Variants in ZFAND3 observed in about 807,000 individuals in gnomAD.
ZFAND3 encodes the protein zinc finger AN1-type containing 3.
Under a neutral mutation model 29.6 loss-of-function variants are expected in ZFAND3, and 10 were observed. The observed-to-expected ratio is 0.34, with a 90% CI of 0.21 to 0.57. The LOEUF is 0.57. Ranked by LOEUF, ZFAND3 falls within the 20% of genes least tolerant of loss-of-function variation. The probability of loss-of-function intolerance (pLI) is 0.86; values close to 1 mark genes in which losing one functional copy is unlikely to be tolerated. For synonymous variants in ZFAND3, 128 were observed against 112.6 expected (o/e 1.14, Z -0.87); for missense variants, 230 against 304.5 (o/e 0.76, Z 1.82).
At chr6:37,825,663 A>G (rs1045289109) in intron 1 of ZFAND3, among the ~76,000 whole-genome samples, 5 of 152,180 alleles carry the variant, frequency 3.3e-5, no homozygotes, top group African/African-American at 7.2e-5. Flanking sequence ...CTCTTCCAAA[A>G]TAGAAGAGAA....
intron 1 of ZFAND3, among the ~76,000 whole-genome samples, chr6:37,865,306 ATTGTT>A (rs754486103): frequency 9.2e-5 from 14 of 152,166 alleles, no homozygotes; most frequent in Admixed American, 5.2e-4. Context: ...TAGTTGTTGT[ATTGTT>A]TTGTTTAGGG....
At chr6:37,925,678 T>A (rs1761470732) in intron 1 of ZFAND3, among the ~76,000 whole-genome samples, 2 of 136,548 alleles carry the variant, frequency 1.5e-5, no homozygotes, top group Non-Finnish European at 3.1e-5. Flanking sequence ...CACTCCAGCC[T>A]GGGCAACAGA....
At chr6:38,050,759 G>A (rs1409255509) in intron 2 of ZFAND3, among the ~76,000 whole-genome samples, 1 of 152,172 alleles carries the variant, frequency 6.6e-6, no homozygotes, top group Non-Finnish European at 1.5e-5. Context: ...CTATAGGCGT[G>A]CACCACTGTG....
At chr6:37,946,048 C>T (rs1561942735) in intron 2 of ZFAND3, among the ~76,000 whole-genome samples, 1 of 152,184 alleles carries the variant, frequency 6.6e-6, no homozygotes, top group Non-Finnish European at 1.5e-5. Flanking sequence ...TGTTTAGTGG[C>T]TCCATTGAAA....
chr6:38,049,573 C>A (rs1025154686), intron 2 of ZFAND3, among the ~76,000 whole-genome samples: 7 of 152,110 alleles, frequency 4.6e-5, no homozygotes, highest in African/African-American at 1.7e-4. Flanking sequence ...GTGGAGAAAG[C>A]TTTTGTATCA....
chr6:37,904,759 A>T (rs1222501077), intron 1 of ZFAND3, among the ~76,000 whole-genome samples: 1 of 152,176 alleles, frequency 6.6e-6, no homozygotes, highest in Non-Finnish European at 1.5e-5. Flanking sequence ...AATAATAAGT[A>T]TTGTGAGAAT....
rs61277916 is a variant in ZFAND3, at chr6:37,988,975, G to A, written c.112+58976G>A. Among the ~76,000 whole-genome samples the A allele has an allele frequency of 0.017, 2,570 of 152,032 alleles. 248 individuals are homozygous for A. In the East Asian group the frequency reaches 0.28, roughly 16 times the overall value. On this transcript the variant is annotated intron_variant, in intron 2 of 5. Coordinates refer to ENST00000287218, the MANE Select transcript of ZFAND3 (RefSeq NM_021943.3). ...GCTGGAGTGCAGTGGTGCGGTCTCA[G>A]CTCACTGCAATTTCCACTCCCGGTT...
At chr6:38,117,996 A>G (rs1765454797) in intron 5 of ZFAND3, among the ~76,000 whole-genome samples, 1 of 152,222 alleles carries the variant, frequency 6.6e-6, no homozygotes, top group Non-Finnish European at 1.5e-5. Context: ...GTGCATATTC[A>G]ACTGCAGAAA....
chr6:38,137,383 T>C (rs1016520205), intron 5 of ZFAND3, among the ~76,000 whole-genome samples: 2 of 152,256 alleles, frequency 1.3e-5, no homozygotes, highest in African/African-American at 4.8e-5. Flanking sequence ...GGGGCACAGT[T>C]ACTAGCATTA....
At chr6:38,131,389 G>A (rs146048736) in intron 5 of ZFAND3, among the ~76,000 whole-genome samples, 14 of 152,318 alleles carry the variant, frequency 9.2e-5, no homozygotes, top group East Asian at 7.7e-4. Context: ...TCAGCCCAGC[G>A]CTTTAGAGTC....
At chr6:38,015,047 CT>C (rs1240786028) in intron 2 of ZFAND3, among the ~76,000 whole-genome samples, 1 of 152,162 alleles carries the variant, frequency 6.6e-6, no homozygotes, top group Non-Finnish European at 1.5e-5. Context: ...TAACCTTATA[CT>C]TTATTTAAGG....
chr6:38,024,575 A>G (rs1477662049), intron 2 of ZFAND3, among the ~76,000 whole-genome samples: 1 of 152,170 alleles, frequency 6.6e-6, no homozygotes, highest in Non-Finnish European at 1.5e-5. Context: ...TGGATGAATG[A>G]TTAAATAAAT....
chr6:38,092,193 C>T (rs564189441), intron 4 of ZFAND3, among the ~76,000 whole-genome samples: 1 of 152,178 alleles, frequency 6.6e-6, no homozygotes, highest in Non-Finnish European at 1.5e-5. Flanking sequence ...AGTTACAGAT[C>T]ACACCCTCAG....
chr6:37,842,516 A>G (rs1049790400), intron 1 of ZFAND3, among the ~76,000 whole-genome samples: 2 of 152,140 alleles, frequency 1.3e-5, no homozygotes, highest in Non-Finnish European at 2.9e-5. Flanking sequence ...CATACTTTAT[A>G]TAGTATTATT....
intron 2 of ZFAND3, among the ~76,000 whole-genome samples, chr6:38,058,613 G>A (rs1471232598): frequency 6.6e-6 from 1 of 152,166 alleles, no homozygotes; most frequent in Non-Finnish European, 1.5e-5. Flanking sequence ...TAGTGGTGCT[G>A]GAAATGGCTG....
chr6:37,950,818 T>C (rs1761985671), intron 2 of ZFAND3, among the ~76,000 whole-genome samples: 1 of 152,252 alleles, frequency 6.6e-6, no homozygotes, highest in Non-Finnish European at 1.5e-5. Context: ...TCCAACTTTG[T>C]TCTTTTTGCT....
At chr6:38,047,964 G>GTTTTTTT (rs1241798963) in intron 2 of ZFAND3, among the ~76,000 whole-genome samples, 6 of 126,252 alleles carry the variant, frequency 4.8e-5, no homozygotes, top group African/African-American at 1.7e-4. Flanking sequence ...AGGTTTTTGG[G>GTTTTTTT]TTTTTTTTGT....
intron 1 of ZFAND3, among the ~76,000 whole-genome samples, chr6:37,848,817 T>C (rs1217659533): frequency 2.6e-5 from 4 of 152,214 alleles, no homozygotes; most frequent in Admixed American, 1.3e-4. Context: ...ATGTTTGGTG[T>C]CTCGATGCTG....
At chr6:38,036,287 C>G (rs1763655306) in intron 2 of ZFAND3, among the ~76,000 whole-genome samples, 1 of 152,156 alleles carries the variant, frequency 6.6e-6, no homozygotes, top group African/African-American at 2.4e-5. Context: ...GGAAAAAAAT[C>G]TGAGCAGGGA....
Sources: gnomAD v4.1 joint callset for allele counts (sites outside exome capture counted in the v4.1 genomes callset) on GRCh38, gnomAD v4.1.1 for gene constraint, MANE v1.5 for transcripts, NCBI Gene and HGNC (gene_info 2026-07-23, HGNC 2026-07-21) for gene names.